The following PIEZO2 variants were observed in gnomAD, a reference collection of about 807,000 sequenced individuals.
The protein encoded by PIEZO2 is piezo type mechanosensitive ion channel component 2.
A neutral mutation model predicts 337.3 loss-of-function variants in PIEZO2; 172 were observed. That is an observed-to-expected ratio of 0.51 (90% confidence interval 0.45 to 0.58). The LOEUF (loss-of-function observed/expected upper bound fraction) is 0.58. PIEZO2 is among the 20% of genes least tolerant of loss of function. The pLI is 0.00. For synonymous variants in PIEZO2, 1,251 were observed against 1,228.5 expected, an observed-to-expected ratio of 1.02 and a Z score of -0.38; for missense variants, 3,028 against 3,391.3, an observed-to-expected ratio of 0.89 and a Z score of 2.66.
intron 2 of PIEZO2, among the ~76,000 whole-genome samples, chr18:11,064,180 G>A (rs555659591): frequency 8.5e-5 from 13 of 152,252 alleles, no homozygotes; most frequent in Admixed American, 2.0e-4. Flanking sequence ...TTTTAGAAAC[G>A]CATGTGTTCT....
Position 10,833,381 on chromosome 18 carries a change from G to C in PIEZO2, c.917+21972C>G, listed in dbSNP as rs989908229. 3.9e-5 allele frequency among the ~76,000 whole-genome samples: 6 copies of C among 152,134 alleles called. No homozygotes were observed. The highest frequency in any genetic ancestry group is 7.2e-5 in the African/African-American group (3 of 41,418). On this transcript the variant is annotated intron_variant, in intron 7 of 55. Transcript: ENST00000674853. This position sits in a 1 kb window ranked among gnomAD's most constrained non-coding sequence, Gnocchi z 4.7. Reference sequence around the variant, plus strand: ...GACACCTGCAGCCTCGCCCTCTCCTGTTGGAATCATGTGGGGATCTTCTAA... The same window carrying C: ...GACACCTGCAGCCTCGCCCTCTCCTCTTGGAATCATGTGGGGATCTTCTAA...
rs1568165626 is a variant in PIEZO2, at chr18:10,886,391, T to TACACACAC, written c.330-14977_330-14976insGTGTGTGT. On this transcript the variant is annotated intron_variant, in intron 4 of 55. Coordinates refer to ENST00000674853, the MANE Select transcript of PIEZO2 (RefSeq NM_001378183.1). ...ATATGTGTGTGTGTGTATATATATA[T>TACACACAC]ATATATATATATATATATATATATA... is the stretch of plus-strand genomic sequence containing the variant. 2.1e-3 allele frequency among the ~76,000 whole-genome samples: 59 copies of TACACACAC among 28,368 alleles called. 3 individuals are homozygous for TACACACAC. The highest frequency in any genetic ancestry group is 0.012 in the African/African-American group (52 of 4,206). 18.6% of individuals were successfully genotyped at this position (28,368 alleles called of 152,430 possible).
chr18:10,720,399 G>T (rs1016607117), intron 36 of PIEZO2, among the ~76,000 whole-genome samples: 1 of 9,164 alleles, frequency 1.1e-4, no homozygotes, highest in Admixed American at 2.0e-3. Context: ...GTGTGTGTGT[G>T]TGTGTATGTG....
Position 10,699,064 on chromosome 18 carries a change from C to T in PIEZO2, c.6555G>A (p.Lys2185=). 2 of 1,537,178 alleles carry T rather than the reference C, an allele frequency of 1.3e-6. No individual in the cohort carries two copies. The highest frequency in any genetic ancestry group is 1.7e-6 in the Non-Finnish European group (2 of 1,146,910). ...CCACAGACGCGGCCAGGTTGATGGA[C>T]TTGAGAGAATCGGAGGAGTCCCTCC... ...HGRRDSSDSL[K]SINLAASVES... is the part of the protein sequence containing the mutation. The change falls in exon 44 of 56, where the codon AAG becomes AAA. Residue 2185 remains lysine (K), a synonymous_variant. Transcript: ENST00000674853.
rs771268821 is a variant in PIEZO2, at chr18:11,009,707, A to G, written c.161-30047T>C. ...ATATGTCAAAGTCCTAACACCCAGT[A>G]CCTCTGAATGTGACTGTCTTTTGAG... On this transcript the variant is annotated intron_variant, in intron 2 of 55. Coordinates refer to ENST00000674853, the MANE Select transcript of PIEZO2 (RefSeq NM_001378183.1). The surrounding 1 kb of genome is among the most constrained non-coding windows in gnomAD (Gnocchi z 4.6). Among the ~76,000 whole-genome samples, 31 of 152,134 alleles carry G rather than the reference A, an allele frequency of 2.0e-4. No homozygotes were observed. Among genetic ancestry groups the G allele is most frequent in the Admixed American group, 3.3e-4 (5 of 15,282 alleles).
At chr18:10,801,356 C>A in intron 10 of PIEZO2, 34 bp downstream of exon 10, 1 of 1,448,036 alleles carries the variant, frequency 6.9e-7, no homozygotes, top group Non-Finnish European at 9.4e-7. Flanking sequence ...ATCACTTACA[C>A]ATGCATAAAT....
In PIEZO2 at chr18:10,750,169, T is replaced by C. The variant is rs915301070; in HGVS notation, c.4186A>G (p.Ile1396Val). ...NILSIGACGY[I>V]GTLVHNSCWL... The stretch of plus-strand genomic sequence containing the variant: ...CAACTATTGTGCACCAATGTTCCAA[T>C]GTATCCACATGCTCCTATCTGAAAA... The change falls in exon 29 of 56, where the codon ATT becomes GTT. Residue 1396 changes from isoleucine (I) to valine (V), a missense_variant. By Grantham distance (29) the Ile-to-Val change is conservative (BLOSUM62 3). This residue lies in a region of PIEZO2 where 1,925 missense variants were observed against 2,051.9 expected (regional missense o/e 0.94). Coordinates refer to ENST00000674853, the MANE Select transcript of PIEZO2 (RefSeq NM_001378183.1). This position sits in a 1 kb window ranked among gnomAD's most constrained non-coding sequence, Gnocchi z 4.1. 3.3e-6 allele frequency: 5 copies of C among 1,536,886 alleles called. No individual in the cohort carries two copies. Among genetic ancestry groups the C allele is most frequent in the Non-Finnish European group, 3.5e-6 (4 of 1,146,642 alleles).
At chr18:10,736,506 C>T in intron 34 of PIEZO2, 98 bp downstream of exon 34, 1 of 1,457,010 alleles carries the variant, frequency 6.9e-7, no homozygotes, top group Non-Finnish European at 9.1e-7. Flanking sequence ...GGAGCTATGA[C>T]ATATGAATAT....
Position 10,676,625 on chromosome 18 carries a change from G to C in PIEZO2, c.8081+1122C>G, listed in dbSNP as rs1351404279. 2.0e-5 allele frequency among the ~76,000 whole-genome samples: 3 copies of C among 152,164 alleles called. No homozygotes were observed. Among genetic ancestry groups the C allele is most frequent in the African/African-American group, 7.2e-5 (3 of 41,434 alleles). ...TAGAAAAGGGTCTCACAGGGTCTTT[G>C]CCTGGCTTTTGGTGATTATGGTCAG... On this transcript the variant is annotated intron_variant, in intron 53 of 55. Transcript: ENST00000674853. This position sits in a 1 kb window ranked among gnomAD's most constrained non-coding sequence, Gnocchi z 5.1.
chr18:11,079,985 A>G (rs2038682079), intron 1 of PIEZO2, among the ~76,000 whole-genome samples: 1 of 152,202 alleles, frequency 6.6e-6, no homozygotes, highest in African/African-American at 2.4e-5. Flanking sequence ...CCTATTAGGT[A>G]GATACGGTCA....
At chr18:10,723,433 A>G (rs1395962643) in intron 36 of PIEZO2, among the ~76,000 whole-genome samples, 3 of 152,150 alleles carry the variant, frequency 2.0e-5, no homozygotes, top group Non-Finnish European at 4.4e-5. Context: ...CTGGGTATAG[A>G]TGACTCGAGG....
At chr18:10,688,105 G>A (rs2034632015) in intron 49 of PIEZO2, among the ~76,000 whole-genome samples, 1 of 152,036 alleles carries the variant, frequency 6.6e-6, no homozygotes, top group Non-Finnish European at 1.5e-5. Context: ...CATCATCTAG[G>A]TTTTAAGCCC....
At chr18:11,059,813 C>T (rs1598897593) in intron 2 of PIEZO2, among the ~76,000 whole-genome samples, 1 of 152,174 alleles carries the variant, frequency 6.6e-6, no homozygotes, top group African/African-American at 2.4e-5. Flanking sequence ...TAATGGGAGA[C>T]TTTAACACCC....
At chr18:10,701,557 A>G (rs1021993674) in intron 43 of PIEZO2, among the ~76,000 whole-genome samples, 1 of 152,262 alleles carries the variant, frequency 6.6e-6, no homozygotes, top group Non-Finnish European at 1.5e-5. Context: ...GAAGGGAGGC[A>G]GAAGCTGGGA....
rs939792657 is a variant in PIEZO2, at chr18:10,689,754, C to T, written c.7398G>A (p.Trp2466Ter). ...FLTELRAVMD[W>*]VWTDTTLSLS... ...GGCTCAAAGTTGTGTCCGTCCACACCCAGTCCATCACTGCCCTCAGCTCAG... is the reference window on the plus strand; with the variant it reads ...GGCTCAAAGTTGTGTCCGTCCACACTCAGTCCATCACTGCCCTCAGCTCAG... The change falls in exon 49 of 56, where the codon TGG (tryptophan) becomes TGA (stop). Residue 2466 changes from tryptophan to a stop codon, truncating the protein, a stop_gained. Transcript: ENST00000674853. LOFTEE classifies it high-confidence loss of function. 4.3e-6 allele frequency: 7 copies of T among 1,614,132 alleles called. No homozygotes were observed. The highest frequency in any genetic ancestry group is 5.1e-6 in the Non-Finnish European group (6 of 1,180,006).
rs1315047098 is a variant in PIEZO2, at chr18:10,929,331, C to T, written c.287-18103G>A. On this transcript the variant is annotated intron_variant, in intron 3 of 55. Transcript: ENST00000674853. This position sits in a 1 kb window ranked among gnomAD's most constrained non-coding sequence, Gnocchi z 5.6. Reference sequence around the variant, plus strand: ...TGCTGCTGCATGCATGGGTACCCCACATATGCTGTTGTGACTGAGGCAATT... The same window carrying T: ...TGCTGCTGCATGCATGGGTACCCCATATATGCTGTTGTGACTGAGGCAATT... 6.6e-6 allele frequency among the ~76,000 whole-genome samples: 1 copy of T among 152,190 alleles called. No homozygotes were observed. The highest frequency in any genetic ancestry group is 2.4e-5 in the African/African-American group (1 of 41,434).
At chr18:10,822,015 A>C (rs980130643) in intron 7 of PIEZO2, among the ~76,000 whole-genome samples, 6 of 152,242 alleles carry the variant, frequency 3.9e-5, no homozygotes, top group African/African-American at 1.2e-4. Flanking sequence ...TGTGTTTCTC[A>C]AGTTATGAGA....
chr18:11,064,852 C>G (rs1568342812), intron 2 of PIEZO2, among the ~76,000 whole-genome samples: 1 of 152,106 alleles, frequency 6.6e-6, no homozygotes, highest in Non-Finnish European at 1.5e-5. Flanking sequence ...GGAAAAGGAG[C>G]TCCACACCGT....
rs2041892559 is a variant in PIEZO2, at chr18:10,862,213, TAGTC to T, written c.493-5006_493-5003del. Among the ~76,000 whole-genome samples, 1 of 152,056 alleles carries T rather than the reference TAGTC, an allele frequency of 6.6e-6. No homozygotes were observed. The highest frequency in any genetic ancestry group is 1.5e-5 in the Non-Finnish European group (1 of 68,018). ...CCCCATAAATATATATAATAGTTATTAGTCAGTTAAAAATAAAATAAAAATAATA... is the reference window on the plus strand; with the variant it reads ...CCCCATAAATATATATAATAGTTATTAGTTAAAAATAAAATAAAAATAATA... On this transcript the variant is annotated intron_variant, in intron 5 of 55. Coordinates refer to ENST00000674853, the MANE Select transcript of PIEZO2 (RefSeq NM_001378183.1). This position sits in a 1 kb window ranked among gnomAD's most constrained non-coding sequence, Gnocchi z 4.4.
Sources: gnomAD v4.1 joint callset for allele counts (sites outside exome capture counted in the v4.1 genomes callset) on GRCh38, gnomAD v4.1.1 for gene constraint, gnomAD v4.1.1 regional missense constraint, Gnocchi (gnomAD v3.1) non-coding constraint, MANE v1.5 for transcripts, NCBI Gene and HGNC (gene_info 2026-07-23, HGNC 2026-07-21) for gene names.